Variants in ST6GALNAC3 observed in about 807,000 individuals in gnomAD.
ST6GALNAC3 encodes the protein alpha-N-acetylgalactosaminide alpha-2,6-sialyltransferase 3.
ST6GALNAC3 carries 25 observed loss-of-function variants against 32.7 expected under a neutral mutation model. That is an observed-to-expected ratio of 0.76 (90% CI 0.56 to 1.07). ST6GALNAC3 has a LOEUF of 1.07. Among genes scored for constraint, ST6GALNAC3 ranks in the 50% least tolerant of loss-of-function variants. ST6GALNAC3 has a pLI of 0.00. For missense variants in ST6GALNAC3, 355 were observed against 382.4 expected, an observed-to-expected ratio of 0.93 and a Z score of 0.60; for synonymous variants, 129 against 133.1, an observed-to-expected ratio of 0.97 and a Z score of 0.21.
chr1:76,303,238 T>C (rs1384404292), intron 1 of ST6GALNAC3, among the ~76,000 whole-genome samples: 2 of 151,972 alleles, frequency 1.3e-5, no homozygotes, highest in African/African-American at 2.4e-5. Flanking sequence ...TGAAGTTTCA[T>C]AGGTCACACT....
At chr1:76,087,505 G>A (rs1194057536) in intron 1 of ST6GALNAC3, among the ~76,000 whole-genome samples, 5 of 152,112 alleles carry the variant, frequency 3.3e-5, no homozygotes, top group Non-Finnish European at 7.4e-5. Flanking sequence ...TTTTTTCTAG[G>A]GGAATTTAGG....
intron 3 of ST6GALNAC3, among the ~76,000 whole-genome samples, chr1:76,533,361 C>G (rs1206106864): frequency 6.6e-6 from 1 of 152,076 alleles, no homozygotes; most frequent in Non-Finnish European, 1.5e-5. Flanking sequence ...TAATTCAGAC[C>G]CTTATCCATA....
chr1:76,500,141 T>G (rs2101722330), intron 3 of ST6GALNAC3, among the ~76,000 whole-genome samples: 1 of 152,316 alleles, frequency 6.6e-6, no homozygotes, highest in South Asian at 2.1e-4. Flanking sequence ...AGTTACACAT[T>G]CACATTTAAG....
chr1:76,077,037 T>C (rs1300663843), intron 1 of ST6GALNAC3, among the ~76,000 whole-genome samples: 1 of 152,152 alleles, frequency 6.6e-6, no homozygotes, highest in Admixed American at 6.5e-5. Flanking sequence ...GTCTAGACAG[T>C]CTGGGCTGGA....
chr1:76,269,256 A>G (rs2100750580), intron 1 of ST6GALNAC3, among the ~76,000 whole-genome samples: 1 of 152,162 alleles, frequency 6.6e-6, no homozygotes, highest in Non-Finnish European at 1.5e-5. Flanking sequence ...GTTTCTTTCA[A>G]TCCTTTTAGG....
intron 3 of ST6GALNAC3, among the ~76,000 whole-genome samples, chr1:76,542,038 A>C (rs12097317): frequency 0.044 from 6,655 of 152,304 alleles, 341 homozygotes; most frequent in African/African-American, 0.12. Context: ...TCACAGAAGT[A>C]AAGGCTAAGC....
rs1146660 is a variant in ST6GALNAC3 at position 76,076,912 on chromosome 1, A to G, written c.18+2028A>G. Among the ~76,000 whole-genome samples the G allele has an allele frequency of 3.9e-5, 6 of 152,104 alleles. 1 individual carries two copies. Among genetic ancestry groups the G allele is most frequent in the South Asian group, 4.1e-4 (2 of 4,828 alleles). On this transcript the variant is annotated intron_variant, in intron 1 of 4. Transcript: ENST00000328299. ...TTAGACCCAGATATGTCAACCTTCC[A>G]TATACTTTACTGCTGTTCCAGTACT...
intron 2 of ST6GALNAC3, among the ~76,000 whole-genome samples, chr1:76,323,385 A>G (rs1213962196): frequency 6.6e-6 from 1 of 152,192 alleles, no homozygotes; most frequent in Non-Finnish European, 1.5e-5. Flanking sequence ...CAGAGTACAT[A>G]CTATTTTACT....
chr1:76,398,408 A>G (rs529132635), intron 2 of ST6GALNAC3, among the ~76,000 whole-genome samples: 2 of 152,234 alleles, frequency 1.3e-5, no homozygotes, highest in African/African-American at 4.8e-5. Flanking sequence ...CTGGTAGGGT[A>G]CTGTTAATTG....
rs72678079 is a variant in ST6GALNAC3 at position 76,505,607 on chromosome 1, A to G, written c.623+93190A>G. Among the ~76,000 whole-genome samples the G allele has an allele frequency of 6.4e-3, 976 of 152,250 alleles. 8 individuals are homozygous for G. Among genetic ancestry groups the G allele is most frequent in the South Asian group, 0.038 (183 of 4,818 alleles). On this transcript the variant is annotated intron_variant, in intron 3 of 4. Coordinates refer to ENST00000328299, the MANE Select transcript of ST6GALNAC3 (RefSeq NM_152996.4). ...AGACTCAGTCTAACTTTAGAATTTTATTTCCAAAGAAGCAAAGATCTCAAT... is the reference window on the plus strand; with the variant it reads ...AGACTCAGTCTAACTTTAGAATTTTGTTTCCAAAGAAGCAAAGATCTCAAT...
At chr1:76,591,038 T>C (rs1440481658) in intron 3 of ST6GALNAC3, among the ~76,000 whole-genome samples, 1 of 152,196 alleles carries the variant, frequency 6.6e-6, no homozygotes, top group Non-Finnish European at 1.5e-5. Flanking sequence ...AGATAAAAGC[T>C]ACTAAAGGAA....
chr1:76,223,915 T>G (rs1022646926), intron 1 of ST6GALNAC3, among the ~76,000 whole-genome samples: 1 of 152,112 alleles, frequency 6.6e-6, no homozygotes, highest in African/African-American at 2.4e-5. Context: ...AAACTCTGAG[T>G]CTTTCTGCAA....
chr1:76,416,176 A>T (rs1025448307), intron 3 of ST6GALNAC3, among the ~76,000 whole-genome samples: 2 of 152,134 alleles, frequency 1.3e-5, no homozygotes, highest in African/African-American at 4.8e-5. Context: ...GCAAACATTT[A>T]TGTGGATCTG....
chr1:76,286,173 A>G (rs1376941595), intron 1 of ST6GALNAC3, among the ~76,000 whole-genome samples: 1 of 152,224 alleles, frequency 6.6e-6, no homozygotes, highest in Admixed American at 6.5e-5. Flanking sequence ...GGAAACAGTA[A>G]GAGAGAAGAG....
chr1:76,154,088 C>A (rs1651231563), intron 1 of ST6GALNAC3, among the ~76,000 whole-genome samples: 1 of 152,128 alleles, frequency 6.6e-6, no homozygotes, highest in Admixed American at 6.5e-5. Context: ...CCCAACCTGG[C>A]CCAGTCGGCT....
At chr1:76,450,931 A>G (rs1048483766) in intron 3 of ST6GALNAC3, among the ~76,000 whole-genome samples, 2 of 152,228 alleles carry the variant, frequency 1.3e-5, no homozygotes, top group East Asian at 1.9e-4. Flanking sequence ...TACCAGTAAC[A>G]TGCTGTTTTG....
intron 3 of ST6GALNAC3, among the ~76,000 whole-genome samples, chr1:76,513,367 C>T (rs908145675): frequency 6.6e-6 from 1 of 152,162 alleles, no homozygotes; most frequent in African/African-American, 2.4e-5. Context: ...ATTTTTCCAG[C>T]ACTGTTTATT....
chr1:76,619,204 A>G (rs1225928303), intron 3 of ST6GALNAC3, among the ~76,000 whole-genome samples: 1 of 152,190 alleles, frequency 6.6e-6, no homozygotes, highest in Non-Finnish European at 1.5e-5. Context: ...AGTGTTTCCA[A>G]ACCTGAAAGG....
intron 3 of ST6GALNAC3, among the ~76,000 whole-genome samples, chr1:76,560,156 C>T (rs1008225148): frequency 6.6e-6 from 1 of 152,004 alleles, no homozygotes; most frequent in African/African-American, 2.4e-5. Flanking sequence ...AACTAGACCC[C>T]CTATCTCTCA....
Sources: allele counts gnomAD v4.1 joint callset (sites outside exome capture counted in the v4.1 genomes callset), GRCh38; gene constraint gnomAD v4.1.1; transcripts MANE v1.5; gene names NCBI Gene and HGNC (gene_info 2026-07-23, HGNC 2026-07-21).